The following CPPED1 variants were observed in gnomAD, a reference collection of about 807,000 sequenced individuals.
CPPED1 encodes the protein calcineurin like phosphoesterase domain containing 1.
A neutral mutation model predicts 28.0 loss-of-function variants in CPPED1; 28 were observed. The ratio of observed to expected loss-of-function variants is 1.00; its 90% CI spans 0.74 to 1.37. CPPED1 has a LOEUF of 1.37. CPPED1 is among the 40% of genes most tolerant of loss of function. The probability of loss-of-function intolerance (pLI) is 0.00; values close to 1 mark genes in which losing one functional copy is unlikely to be tolerated. For synonymous variants in CPPED1, 198 were observed against 180.2 expected, an observed-to-expected ratio of 1.10 and a Z score of -0.79; for missense variants, 504 against 416.5, an observed-to-expected ratio of 1.21 and a Z score of -1.83.
At chr16:12,778,911 C>T (rs138279578) in intron 2 of CPPED1, among the ~76,000 whole-genome samples, 1 of 152,320 alleles carries the variant, frequency 6.6e-6, no homozygotes, top group East Asian at 1.9e-4. Context: ...GTAAAATTCA[C>T]GTTCAAAAGT....
intron 1 of CPPED1, among the ~76,000 whole-genome samples, chr16:12,799,845 G>C (rs1028184896): frequency 6.6e-6 from 1 of 152,228 alleles, no homozygotes; most frequent in Non-Finnish European, 1.5e-5. Flanking sequence ...CTATGGGACT[G>C]CATGGCTCAC....
intron 3 of CPPED1, among the ~76,000 whole-genome samples, chr16:12,685,968 A>G (rs1378078786): frequency 6.6e-6 from 1 of 152,210 alleles, no homozygotes; most frequent in Non-Finnish European, 1.5e-5. Flanking sequence ...GGAATGGGTC[A>G]TGACAGGGAG....
rs180970615 is a variant in CPPED1, at chr16:12,670,336, C to G, written c.716-5221G>C. The stretch of plus-strand genomic sequence containing the variant: ...AACTTTGCAAGACCATAATAATAAA[C>G]TACTGAATAAATAAATAAATGGTAG... On this transcript the variant is annotated intron_variant, in intron 3 of 3. Coordinates refer to ENST00000381774, the MANE Select transcript of CPPED1 (RefSeq NM_018340.3). The surrounding 1 kb of genome is among the most constrained non-coding windows in gnomAD (Gnocchi z 4.2). Among the ~76,000 whole-genome samples the G allele has an allele frequency of 1.5e-3, 223 of 152,152 alleles. No individual in the cohort carries two copies. The highest frequency in any genetic ancestry group is 2.6e-3 in the Non-Finnish European group (179 of 68,004).
At chr16:12,667,711 T>C (rs1368032137) in intron 3 of CPPED1, among the ~76,000 whole-genome samples, 2 of 152,068 alleles carry the variant, frequency 1.3e-5, no homozygotes, top group Non-Finnish European at 2.9e-5. Flanking sequence ...ACACAAGCAA[T>C]AGGAACATGC....
intron 2 of CPPED1, among the ~76,000 whole-genome samples, chr16:12,707,193 T>C (rs1460037673): frequency 6.6e-6 from 1 of 152,230 alleles, no homozygotes; most frequent in Admixed American, 6.5e-5. Context: ...CAAGGCTGAT[T>C]CATTACCACT....
chr16:12,726,340 C>CTT (rs35865113), intron 2 of CPPED1, among the ~76,000 whole-genome samples: 5 of 107,378 alleles, frequency 4.7e-5, no homozygotes, highest in Non-Finnish European at 9.0e-5. Context: ...GCACCCAGCC[C>CTT]TTTTTTTTTT....
intron 2 of CPPED1, among the ~76,000 whole-genome samples, chr16:12,710,247 G>C (rs2080073215): frequency 6.6e-6 from 1 of 152,038 alleles, no homozygotes; most frequent in African/African-American, 2.4e-5. Flanking sequence ...TAACAAGAAG[G>C]ATTTAAGAGA....
At chr16:12,744,192 C>T (rs530037412) in intron 2 of CPPED1, among the ~76,000 whole-genome samples, 10 of 151,574 alleles carry the variant, frequency 6.6e-5, no homozygotes, top group South Asian at 6.3e-4. Flanking sequence ...AGGAGAATGG[C>T]GTGAACCCAG....
intron 1 of CPPED1, among the ~76,000 whole-genome samples, chr16:12,799,225 A>G (rs2080644139): frequency 6.8e-6 from 1 of 147,690 alleles, no homozygotes. Flanking sequence ...TGTTTTGGCA[A>G]GAGAAGGGGA....
In CPPED1 at chr16:12,723,357, C is replaced by A. The variant is rs151272667; in HGVS notation, c.290-18308G>T. On this transcript the variant is annotated intron_variant, in intron 2 of 3. Transcript: ENST00000381774. ...GAAAATTCCTATTTGAAGTCCTGAC[C>A]CCAGTACCTCATCATATGACTGCAA... Among the ~76,000 whole-genome samples the A allele has an allele frequency of 4.4e-3, 664 of 152,200 alleles. 4 individuals are homozygous for A. Among genetic ancestry groups the A allele is most frequent in the African/African-American group, 0.016 (645 of 41,504 alleles).
rs570828846 is a variant in CPPED1, at chr16:12,725,401, T to C, written c.290-20352A>G. Among the ~76,000 whole-genome samples, 8 of 152,304 alleles carry C rather than the reference T, an allele frequency of 5.3e-5. No individual in the cohort carries two copies. The South Asian group carries it at 1.4e-3, about 28-fold the overall frequency. On this transcript the variant is annotated intron_variant, in intron 2 of 3. Transcript: ENST00000381774. ...AAGCCACTGTGCCCAGCCAACATGA[T>C]TCTTGACAAGTGTTTACTTTGAAGG...
At position 12,661,474 on chromosome 16, in the gene CPPED1, A is replaced by AATG. The variant is rs1380836730; in HGVS notation, c.*3409_*3411dup. 6.6e-6 allele frequency: 1 copy of AATG among 152,220 alleles called. No individual in the cohort carries two copies. Among genetic ancestry groups the AATG allele is most frequent in the Non-Finnish European group, 1.5e-5 (1 of 68,042 alleles). The allele number at this position is 152,220 out of a possible 1,614,324, so 9.4% of individuals were successfully genotyped here. The stretch of plus-strand genomic sequence containing the variant: ...ATAAAATTATTTATTGTAAAAAGTA[A>AATG]ATGATCATCTCCCCAGCCCCATTCC... On this transcript the variant is annotated 3_prime_UTR_variant, in exon 4 of 4. Transcript: ENST00000381774.
At chr16:12,718,824 G>A (rs12600294) in intron 2 of CPPED1, among the ~76,000 whole-genome samples, 77,425 of 151,840 alleles carry the variant, frequency 0.51, 20,224 homozygotes, top group Admixed American at 0.61. Flanking sequence ...ATAGCTGGGC[G>A]TAGTGGCATG....
chr16:12,664,563 T>C lies in CPPED1; in HGVS notation c.*323A>G. 1.8e-6 allele frequency: 2 copies of C among 1,140,014 alleles called. No individual in the cohort carries two copies. The highest frequency in any genetic ancestry group is 2.2e-6 in the Non-Finnish European group (2 of 928,592). 70.6% of individuals were successfully genotyped at this position (1,140,014 alleles called of 1,614,324 possible). On this transcript the variant is annotated 3_prime_UTR_variant, in exon 4 of 4. Transcript: ENST00000381774. The surrounding 1 kb of genome is among the most constrained non-coding windows in gnomAD (Gnocchi z 4.2). Reference sequence around the variant, plus strand: ...GGTCGATAGGCAGACTTTGACCATATGCTAACCAGAATACAATCCAATTCA... The same window carrying C: ...GGTCGATAGGCAGACTTTGACCATACGCTAACCAGAATACAATCCAATTCA...
intron 2 of CPPED1, among the ~76,000 whole-genome samples, chr16:12,713,983 T>C (rs2080093311): frequency 6.6e-6 from 1 of 152,108 alleles, no homozygotes; most frequent in African/African-American, 2.4e-5. Flanking sequence ...CTAATCTACC[T>C]TCTATAGATT....
At chr16:12,706,886 T>C (rs1432353693) in intron 2 of CPPED1, among the ~76,000 whole-genome samples, 1 of 152,204 alleles carries the variant, frequency 6.6e-6, no homozygotes, top group Non-Finnish European at 1.5e-5. Context: ...GAGAGGTGGC[T>C]GCACGGCCTG....
At chr16:12,741,502 G>A (rs1334075393) in intron 2 of CPPED1, among the ~76,000 whole-genome samples, 1 of 152,200 alleles carries the variant, frequency 6.6e-6, no homozygotes, top group Non-Finnish European at 1.5e-5. Flanking sequence ...CTTTCCCCCA[G>A]TGGGGAAGGA....
At chr16:12,706,175 T>C (rs998127355) in intron 2 of CPPED1, among the ~76,000 whole-genome samples, 4 of 152,026 alleles carry the variant, frequency 2.6e-5, no homozygotes, top group Admixed American at 6.5e-5. Context: ...AGTAAGTTAA[T>C]AATATAAGGC....
chr16:12,713,252 C>G (rs1047327352), intron 2 of CPPED1, among the ~76,000 whole-genome samples: 4 of 152,140 alleles, frequency 2.6e-5, no homozygotes, highest in Non-Finnish European at 5.9e-5. Context: ...AACGTCAACA[C>G]CTAGTGAGTA....
Sources: allele counts gnomAD v4.1 joint callset (sites outside exome capture counted in the v4.1 genomes callset), GRCh38; gene constraint gnomAD v4.1.1; non-coding constraint Gnocchi (gnomAD v3.1); transcripts MANE v1.5; gene names NCBI Gene and HGNC (gene_info 2026-07-23, HGNC 2026-07-21).